Variants in MSANTD2 observed in about 807,000 individuals in gnomAD.
The protein encoded by MSANTD2 is Myb/SANT DNA binding domain containing 2, also known as myb/SANT-like DNA-binding domain-containing protein 2.
In MSANTD2, 19 loss-of-function variants were observed where a neutral mutation model predicts 52.6. The ratio of observed to expected loss-of-function variants is 0.36; its 90% CI spans 0.25 to 0.53. The LOEUF (loss-of-function observed/expected upper bound fraction) is 0.53, where lower values mean the gene tolerates loss of function less well. MSANTD2 is among the 20% of genes least tolerant of loss of function. The probability of loss-of-function intolerance (pLI) is 0.91; values close to 1 mark genes in which losing one functional copy is unlikely to be tolerated. For missense variants in MSANTD2, 558 were observed against 716.3 expected (o/e 0.78, Z 2.52); for synonymous variants, 291 against 289.7 (o/e 1.00, Z -0.04).
chr11:124,775,011 G>C, intron 1 of MSANTD2, 37 bp from the exon 2 acceptor site: 1 of 1,517,622 alleles, frequency 6.6e-7, no homozygotes, highest in Non-Finnish European at 8.8e-7. Flanking sequence ...CTTTAAAGCT[G>C]TACTTCCTCT....
intron 1 of MSANTD2, chr11:124,791,208 T>C (rs1945322113): frequency 5.5e-6 from 7 of 1,265,388 alleles, no homozygotes; most frequent in Middle Eastern, 2.2e-4. Context: ...TGAGGGACAT[T>C]TGGAGAATGC....
intron 3 of MSANTD2, among the ~76,000 whole-genome samples, chr11:124,769,706 G>C (rs1254571362): frequency 6.6e-6 from 1 of 152,174 alleles, no homozygotes; most frequent in East Asian, 1.9e-4. Context: ...TAGGGGATTA[G>C]CCAGGTTCAG....
At chr11:124,796,123 T>C (rs1411580564) in intron 1 of MSANTD2, among the ~76,000 whole-genome samples, 1 of 152,214 alleles carries the variant, frequency 6.6e-6, no homozygotes, top group African/African-American at 2.4e-5. Flanking sequence ...AAAAGTAGGA[T>C]GTTAGTCTCA....
Position 124,800,363 on chromosome 11 carries a change from G to A in MSANTD2, c.18C>T (p.Gly6=). ...GCGGCGAGTTGGCGGGCAGCTCCGA[G>A]CCACAGGGCGCAGCCATCTTCCAAG... The part of the protein sequence containing the change: MAAPC[G]SELPANSPLK... The change falls in exon 1 of 4, where the codon GGC becomes GGT. Residue 6 remains glycine (G), a synonymous_variant. Coordinates refer to ENST00000374979, the MANE Select transcript of MSANTD2 (RefSeq NM_001308027.2). The surrounding 1 kb of genome is among the most constrained non-coding windows in gnomAD (Gnocchi z 4.3). 1.3e-6 allele frequency: 2 copies of A among 1,535,332 alleles called. No homozygotes were observed. The highest frequency in any genetic ancestry group is 1.8e-6 in the Non-Finnish European group (2 of 1,142,180).
intron 1 of MSANTD2, among the ~76,000 whole-genome samples, chr11:124,778,242 T>A (rs144056533): frequency 6.6e-6 from 1 of 152,224 alleles, no homozygotes; most frequent in Non-Finnish European, 1.5e-5. Flanking sequence ...TGGAGAACCA[T>A]GTCCTATTCA....
intron 3 of MSANTD2, among the ~76,000 whole-genome samples, chr11:124,768,304 A>G (rs1944378448): frequency 6.6e-6 from 1 of 152,260 alleles, no homozygotes; most frequent in African/African-American, 2.4e-5. Context: ...AGTTTCTAAG[A>G]ATTAATGATA....
rs6590095 is a variant in MSANTD2, at chr11:124,774,043, A to C, written c.766+676T>G. Among the ~76,000 whole-genome samples the C allele has an allele frequency of 0.3, 45,024 of 152,150 alleles. 9,367 individuals are homozygous for C. Among genetic ancestry groups the C allele is most frequent in the African/African-American group, 0.6 (24,675 of 41,464 alleles). Reference sequence around the variant, plus strand: ...ACATATATACTCTTAGTTAGGCCCTACAAGTTTAGATTTGATGACCAGGAA... The same window carrying C: ...ACATATATACTCTTAGTTAGGCCCTCCAAGTTTAGATTTGATGACCAGGAA... On this transcript the variant is annotated intron_variant, in intron 2 of 3. Coordinates refer to ENST00000374979, the MANE Select transcript of MSANTD2 (RefSeq NM_001308027.2). The surrounding 1 kb of genome is among the most constrained non-coding windows in gnomAD (Gnocchi z 5.1).
intron 1 of MSANTD2, among the ~76,000 whole-genome samples, chr11:124,796,102 A>G (rs888301598): frequency 6.6e-6 from 1 of 152,354 alleles, no homozygotes; most frequent in South Asian, 2.1e-4. Context: ...ATGTTCATTT[A>G]GACAGTATTA....
intron 1 of MSANTD2, among the ~76,000 whole-genome samples, chr11:124,780,856 C>T (rs1051027111): frequency 1.3e-5 from 2 of 152,156 alleles, no homozygotes; most frequent in Non-Finnish European, 2.9e-5. Context: ...TAGCCAAATT[C>T]CCGTTTCTTG....
chr11:124,798,290 C>CT (rs1392704172), intron 1 of MSANTD2, among the ~76,000 whole-genome samples: 1 of 149,278 alleles, frequency 6.7e-6, no homozygotes, highest in East Asian at 2.0e-4. Flanking sequence ...TGGGGCATGC[C>CT]TGCAGTCCTA....
chr11:124,782,929 A>T (rs952459765), intron 1 of MSANTD2, among the ~76,000 whole-genome samples: 1 of 152,206 alleles, frequency 6.6e-6, no homozygotes, highest in African/African-American at 2.4e-5. Context: ...GGGCAAGGCT[A>T]TTTTAAAAAT....
At chr11:124,791,418 GGTGA>G in intron 1 of MSANTD2, 3 of 1,333,602 alleles carry the variant, frequency 2.2e-6, no homozygotes, top group Non-Finnish European at 3.2e-6. Context: ...CAGTGTACAG[GGTGA>G]GTGAGAAGCA....
chr11:124,788,798 T>C (rs547979610), intron 1 of MSANTD2, among the ~76,000 whole-genome samples: 10 of 152,322 alleles, frequency 6.6e-5, no homozygotes, highest in African/African-American at 2.4e-4. Flanking sequence ...AGGAATGATA[T>C]AAAATCATGT....
chr11:124,791,825 G>C (rs1472432038), intron 1 of MSANTD2: 4 of 505,392 alleles, frequency 7.9e-6, no homozygotes, highest in Non-Finnish European at 1.5e-5. Context: ...TATTGTGTTA[G>C]GTGCATTCAC....
chr11:124,788,361 T>C (rs1945229449), intron 1 of MSANTD2, among the ~76,000 whole-genome samples: 1 of 152,062 alleles, frequency 6.6e-6, no homozygotes, highest in Admixed American at 6.6e-5. Context: ...ATTCCTTTTT[T>C]GGTGCATCAA....
chr11:124,790,932 A>C (rs889128221), intron 1 of MSANTD2: 1 of 284,618 alleles, frequency 3.5e-6, no homozygotes, highest in African/African-American at 2.2e-5. Context: ...GTCTAAAAGA[A>C]CACAATGAAT....
At chr11:124,788,323 A>G (rs768067573) in intron 1 of MSANTD2, among the ~76,000 whole-genome samples, 6 of 149,564 alleles carry the variant, frequency 4.0e-5, no homozygotes, top group Non-Finnish European at 7.5e-5. Context: ...CTTGGAGTTA[A>G]ACAAAATAAA....
At chr11:124,795,175 G>A (rs932681201) in intron 1 of MSANTD2, among the ~76,000 whole-genome samples, 1 of 152,084 alleles carries the variant, frequency 6.6e-6, no homozygotes, top group Non-Finnish European at 1.5e-5. Flanking sequence ...CACCATGCCC[G>A]GCCTCTTTTA....
At chr11:124,791,864 C>T (rs561066005) in intron 1 of MSANTD2, 4 of 428,362 alleles carry the variant, frequency 9.3e-6, no homozygotes, top group South Asian at 8.4e-5. Flanking sequence ...AGAGGCTCTA[C>T]AGCTGGAGTG....
Sources: gnomAD v4.1 joint callset for allele counts (sites outside exome capture counted in the v4.1 genomes callset) on GRCh38, gnomAD v4.1.1 for gene constraint, Gnocchi (gnomAD v3.1) non-coding constraint, MANE v1.5 for transcripts, NCBI Gene and HGNC (gene_info 2026-07-23, HGNC 2026-07-21) for gene names.